FAM107A: variants seen among roughly 807,000 people sequenced by gnomAD.
FAM107A encodes the protein family with sequence similarity 107 member A.
In FAM107A, 19 loss-of-function variants were observed where a neutral mutation model predicts 13.7. That is an observed-to-expected ratio of 1.38 (90% CI 0.97 to 2.03). The LOEUF (loss-of-function observed/expected upper bound fraction) is 2.03, where lower values mean the gene tolerates loss of function less well. Ranked by LOEUF, FAM107A falls within the 30% of genes most tolerant of loss-of-function variation. The probability of loss-of-function intolerance (pLI) is 0.00; values close to 1 mark genes in which losing one functional copy is unlikely to be tolerated. For synonymous variants in FAM107A, 82 were observed against 74.5 expected (o/e 1.10, Z -0.52); for missense variants, 203 against 184.4 (o/e 1.10, Z -0.58).
chr3:58,620,724 G>A (rs988712061), intron 1 of FAM107A, among the ~76,000 whole-genome samples: 22 of 152,204 alleles, frequency 1.4e-4, no homozygotes, highest in African/African-American at 4.8e-4. Context: ...CCACTAACCC[G>A]TTCTCTTGTT....
chr3:58,579,045 G>A (rs2063751950), upstream of FAM107A, among the ~76,000 whole-genome samples: 2 of 152,224 alleles, frequency 1.3e-5, no homozygotes, highest in Non-Finnish European at 2.9e-5. Context: ...GTAAAGAAGG[G>A]GACATTCAGG....
At chr3:58,588,325 C>T (rs2065627273), upstream of FAM107A, among the ~76,000 whole-genome samples, 1 of 152,244 alleles carries the variant, frequency 6.6e-6, no homozygotes. Flanking sequence ...CGGCCTGTTA[C>T]CAGCCTTGGT....
rs1577016212 is a variant in FAM107A, at chr3:58,566,197, T to G, written c.*391A>C. The stretch of plus-strand genomic sequence containing the variant: ...GTTCTCTGAGACCTAGGAGCTGGGG[T>G]GTACGGAGAAGCGGGGCCCTGGGGA... On this transcript the variant is annotated 3_prime_UTR_variant, in exon 4 of 4. Coordinates refer to ENST00000360997, the MANE Select transcript of FAM107A (RefSeq NM_001076778.3). 5.9e-6 allele frequency: 1 copy of G among 168,680 alleles called. No individual in the cohort carries two copies. The allele number at this position is 168,680 out of a possible 1,614,324, so 10.4% of individuals were successfully genotyped here.
intron 1 of FAM107A, among the ~76,000 whole-genome samples, chr3:58,606,640 C>A (rs2065797470): frequency 6.6e-6 from 1 of 152,220 alleles, no homozygotes; most frequent in South Asian, 2.1e-4. Context: ...GAGCTTAATC[C>A]AGTCTGTTGG....
At chr3:58,622,891 G>A (rs1164031099) in intron 1 of FAM107A, among the ~76,000 whole-genome samples, 2 of 152,202 alleles carry the variant, frequency 1.3e-5, no homozygotes, top group Non-Finnish European at 2.9e-5. Flanking sequence ...GAACCCAGCT[G>A]TGGAGTCCCA....
At chr3:58,608,511 G>A (rs1391649142) in intron 1 of FAM107A, among the ~76,000 whole-genome samples, 1 of 152,176 alleles carries the variant, frequency 6.6e-6, no homozygotes, top group East Asian at 1.9e-4. Context: ...TAAGAGCCAG[G>A]CAGCTCCCCT....
rs1028476827 is a variant in FAM107A at position 58,621,303 on chromosome 3, C to T, written c.-70+6113G>A. ...TGCACAGATGTCACCTTGGCTGGCA[C>T]TAAGGACTGGGGCCAGCTTTCTGGG... On this transcript the variant is annotated intron_variant, in intron 1 of 3. Transcript: ENST00000465970. 2.0e-5 allele frequency among the ~76,000 whole-genome samples: 3 copies of T among 152,184 alleles called. No individual in the cohort carries two copies. In the East Asian group the frequency reaches 5.8e-4, roughly 29 times the overall value.
upstream of FAM107A, among the ~76,000 whole-genome samples, chr3:58,578,494 G>A (rs1346605120): frequency 6.6e-6 from 1 of 152,130 alleles, no homozygotes; most frequent in African/African-American, 2.4e-5. Flanking sequence ...CTTGAACTTG[G>A]GAGGCAGAGT....
intron 1 of FAM107A, among the ~76,000 whole-genome samples, chr3:58,596,678 C>CAAAAA (rs34782813): frequency 6.0e-5 from 8 of 134,204 alleles, no homozygotes; most frequent in African/African-American, 2.2e-4. Flanking sequence ...GACTCGGTCT[C>CAAAAA]AAAAAAAAAA....
At chr3:58,572,534 G>A (rs1156290852) in intron 1 of FAM107A, among the ~76,000 whole-genome samples, 1 of 152,190 alleles carries the variant, frequency 6.6e-6, no homozygotes, top group Non-Finnish European at 1.5e-5. Flanking sequence ...AAAAGACATA[G>A]TGTGCTGGGA....
chr3:58,578,257 T>G (rs775084552), upstream of FAM107A, among the ~76,000 whole-genome samples: 15 of 152,164 alleles, frequency 9.9e-5, no homozygotes, highest in Non-Finnish European at 1.5e-4. Flanking sequence ...GCTCAATGAA[T>G]GAACATGTGA....
chr3:58,592,477 G>T (rs773508867), intron 1 of FAM107A, among the ~76,000 whole-genome samples: 3 of 152,206 alleles, frequency 2.0e-5, no homozygotes, highest in African/African-American at 7.2e-5. Context: ...TCACTGGATA[G>T]GTAGAGGCCT....
At chr3:58,571,973 C>A (rs1373657863) in intron 1 of FAM107A, among the ~76,000 whole-genome samples, 1 of 152,122 alleles carries the variant, frequency 6.6e-6, no homozygotes. Context: ...AGTTGGATAA[C>A]TTTAGGAAAG....
chr3:58,565,302 G>T lies in FAM107A; in HGVS notation c.*1286C>A, dbSNP rs1160726600. 1.3e-5 allele frequency: 2 copies of T among 151,976 alleles called. No individual in the cohort carries two copies. Among genetic ancestry groups the T allele is most frequent in the Non-Finnish European group, 2.9e-5 (2 of 67,990 alleles). The allele number at this position is 151,976 out of a possible 1,614,324, so 9.4% of individuals were successfully genotyped here. A position where few individuals can be genotyped will look rare whatever the true frequency, so the allele number is the denominator to read the frequency against. ...TTGGGTCTCAGGTGACAGAGGCCGGGGATTCAGACTCAAAGGGGCCAGTCC... is the reference window on the plus strand; with the variant it reads ...TTGGGTCTCAGGTGACAGAGGCCGGTGATTCAGACTCAAAGGGGCCAGTCC... On this transcript the variant is annotated 3_prime_UTR_variant, in exon 4 of 4. Transcript: ENST00000360997.
upstream of FAM107A, among the ~76,000 whole-genome samples, chr3:58,580,765 A>G (rs1408704490): frequency 6.6e-6 from 1 of 151,912 alleles, no homozygotes; most frequent in Non-Finnish European, 1.5e-5. Flanking sequence ...GAGTTTGAGG[A>G]CCATTGTTCT....
chr3:58,583,121 A>G (rs949305662), intron 1 of FAM107A, among the ~76,000 whole-genome samples: 3 of 152,164 alleles, frequency 2.0e-5, no homozygotes, highest in Non-Finnish European at 4.4e-5. Context: ...TTTTCATCCA[A>G]CTGAAAAAAG....
chr3:58,624,471 C>A (rs972683985), intron 1 of FAM107A, among the ~76,000 whole-genome samples: 4 of 151,924 alleles, frequency 2.6e-5, no homozygotes, highest in Admixed American at 2.6e-4. Context: ...CTTCCATTCT[C>A]TCTGCCCACC....
Position 58,600,316 on chromosome 3 carries a change from C to T in FAM107A, c.-69-11047G>A, listed in dbSNP as rs543820151. ...GGTGAGGCCTCAGAGAAGACCTGCCCGAGGTCATAAAATATCTGACTGCAG... is the reference window on the plus strand; with the variant it reads ...GGTGAGGCCTCAGAGAAGACCTGCCTGAGGTCATAAAATATCTGACTGCAG... On this transcript the variant is annotated intron_variant, in intron 1 of 3. Coordinates refer to the FAM107A transcript ENST00000465970. 1.2e-4 allele frequency among the ~76,000 whole-genome samples: 18 copies of T among 152,252 alleles called. No individual in the cohort carries two copies. The South Asian group carries it at 3.3e-3, about 28-fold the overall frequency.
intron 1 of FAM107A, among the ~76,000 whole-genome samples, chr3:58,610,311 T>C (rs1482002645): frequency 2.6e-5 from 4 of 152,306 alleles, no homozygotes; most frequent in Admixed American, 2.6e-4. Context: ...GGCTGGCAAG[T>C]GGCATCCCAG....
Sources: gnomAD v4.1 joint callset for allele counts (sites outside exome capture counted in the v4.1 genomes callset) on GRCh38, gnomAD v4.1.1 for gene constraint, MANE v1.5 for transcripts, NCBI Gene and HGNC (gene_info 2026-07-23, HGNC 2026-07-21) for gene names.